LRP1B: variants seen among roughly 807,000 people sequenced by gnomAD.
LRP1B encodes low-density lipoprotein receptor-related protein 1B.
In LRP1B, 217 loss-of-function variants were observed where a neutral mutation model predicts 556.6. The ratio of observed to expected loss-of-function variants is 0.39; its 90% CI spans 0.35 to 0.44. LRP1B has a LOEUF of 0.44. LRP1B is among the 20% of genes least tolerant of loss of function. The pLI, the probability that LRP1B is intolerant of heterozygous loss-of-function variation, is 1.00. For synonymous variants in LRP1B, 2,047 were observed against 1,865.8 expected (o/e 1.10, Z -2.50); for missense variants, 5,053 against 5,620.8 (o/e 0.90, Z 3.23).
chr2:141,472,048 G>T (rs892770699), intron 3 of LRP1B, among the ~76,000 whole-genome samples: 24 of 152,138 alleles, frequency 1.6e-4, no homozygotes, highest in African/African-American at 5.6e-4. Context: ...GAGTTTTCTG[G>T]CTTTTTGTGA....
chr2:141,322,504 A>C (rs1285231304), intron 3 of LRP1B, among the ~76,000 whole-genome samples: 1 of 152,034 alleles, frequency 6.6e-6, no homozygotes, highest in Non-Finnish European at 1.5e-5. Flanking sequence ...ATAGGATTAC[A>C]TTCCCTTTTT....
At chr2:140,419,485 C>A (rs1685342764) in intron 66 of LRP1B, among the ~76,000 whole-genome samples, 1 of 152,104 alleles carries the variant, frequency 6.6e-6, no homozygotes, top group African/African-American at 2.4e-5. Context: ...ACAGTCCACC[C>A]AAGAACATCA....
intron 1 of LRP1B, among the ~76,000 whole-genome samples, chr2:141,939,592 C>A (rs1700735968): frequency 6.6e-6 from 1 of 151,834 alleles, no homozygotes; most frequent in African/African-American, 2.4e-5. Context: ...ATACTAAAAC[C>A]AAAGTTAATA....
rs1690246959 is a variant in LRP1B at position 140,522,918 on chromosome 2, G to GC, written c.8026+2925dup. Among the ~76,000 whole-genome samples, 13 of 151,970 alleles carry GC rather than the reference G, an allele frequency of 8.6e-5. No homozygotes were observed. In the South Asian group the frequency reaches 2.7e-3, roughly 32 times the overall value. ...AATAAAAAATATACAAATAAAAAAA[G>GC]CCCTGGAACAGATATATTCACAGCC... On this transcript the variant is annotated intron_variant, in intron 49 of 90. Coordinates refer to ENST00000389484, the MANE Select transcript of LRP1B (RefSeq NM_018557.3).
chr2:141,218,409 A>T (rs945931855), intron 6 of LRP1B, among the ~76,000 whole-genome samples: 5 of 152,186 alleles, frequency 3.3e-5, no homozygotes, highest in Non-Finnish European at 5.9e-5. Flanking sequence ...TGTGGATTGG[A>T]TAAAGAAAAT....
chr2:141,704,161 G>T (rs557590187), intron 2 of LRP1B, among the ~76,000 whole-genome samples: 1 of 152,082 alleles, frequency 6.6e-6, no homozygotes, highest in South Asian at 2.1e-4. Context: ...CTTGGTGAAT[G>T]ACTTCTTTGC....
At chr2:141,571,658 C>G (rs763313046) in intron 2 of LRP1B, among the ~76,000 whole-genome samples, 51 of 151,066 alleles carry the variant, frequency 3.4e-4, no homozygotes, top group Non-Finnish European at 6.3e-4. Flanking sequence ...TGTTCTAACC[C>G]AATGCAAAGA....
intron 83 of LRP1B, among the ~76,000 whole-genome samples, chr2:140,306,105 T>C (rs1179926119): frequency 1.5e-5 from 2 of 131,262 alleles, no homozygotes; most frequent in Non-Finnish European, 3.6e-5. Context: ...TATATTGGTC[T>C]AACATTCTCT....
intron 21 of LRP1B, among the ~76,000 whole-genome samples, chr2:140,919,945 T>C (rs1412771238): frequency 2.0e-5 from 3 of 152,092 alleles, no homozygotes; most frequent in African/African-American, 7.2e-5. Context: ...TTTTTTACTA[T>C]TAAAAATAAA....
intron 60 of LRP1B, among the ~76,000 whole-genome samples, chr2:140,469,493 A>C (rs545219071): frequency 2.0e-5 from 3 of 152,352 alleles, no homozygotes; most frequent in Admixed American, 2.0e-4. Flanking sequence ...ATACATTTTA[A>C]AGTAACATCA....
At chr2:141,429,067 G>T (rs978482234) in intron 3 of LRP1B, among the ~76,000 whole-genome samples, 1 of 152,116 alleles carries the variant, frequency 6.6e-6, no homozygotes, top group African/African-American at 2.4e-5. Flanking sequence ...CCATACAGAA[G>T]AAAAATTACT....
At chr2:141,987,450 A>G (rs1407456832) in intron 1 of LRP1B, among the ~76,000 whole-genome samples, 2 of 151,624 alleles carry the variant, frequency 1.3e-5, no homozygotes, top group Non-Finnish European at 2.9e-5. Flanking sequence ...TTCCCACTGC[A>G]TTATCTCTGA....
intron 3 of LRP1B, among the ~76,000 whole-genome samples, chr2:141,423,750 A>G (rs964418978): frequency 3.3e-5 from 5 of 152,132 alleles, no homozygotes; most frequent in African/African-American, 1.2e-4. Flanking sequence ...ATGCTTTAAA[A>G]CAAACATTAA....
intron 3 of LRP1B, among the ~76,000 whole-genome samples, chr2:141,258,401 G>A (rs112245247): frequency 0.022 from 3,403 of 152,144 alleles, 69 homozygotes; most frequent in Non-Finnish European, 0.036. Flanking sequence ...CAGGAGAATC[G>A]CTTGAACCCA....
At chr2:141,766,642 C>T (rs144611574) in intron 2 of LRP1B, among the ~76,000 whole-genome samples, 2 of 152,286 alleles carry the variant, frequency 1.3e-5, no homozygotes, top group Middle Eastern at 3.4e-3. Flanking sequence ...AAAACTAATG[C>T]ACAATAGGAT....
intron 7 of LRP1B, among the ~76,000 whole-genome samples, chr2:141,176,035 T>C (rs1680719622): frequency 6.6e-6 from 1 of 152,146 alleles, no homozygotes. Flanking sequence ...ATTTCTCTCT[T>C]TTGGAGTGGT....
chr2:140,778,130 G>T (rs140406156), intron 32 of LRP1B, among the ~76,000 whole-genome samples: 4 of 152,274 alleles, frequency 2.6e-5, no homozygotes, highest in Middle Eastern at 3.4e-3. Context: ...AAAATGAAAA[G>T]TGCATAAGGT....
chr2:141,547,945 G>A (rs1364676453), intron 2 of LRP1B, among the ~76,000 whole-genome samples: 2 of 152,074 alleles, frequency 1.3e-5, no homozygotes. Context: ...ACAAAGAGGG[G>A]AGGACGACCT....
chr2:141,231,744 A>G (rs1203633649), intron 5 of LRP1B, among the ~76,000 whole-genome samples: 7 of 152,082 alleles, frequency 4.6e-5, no homozygotes, highest in Admixed American at 4.6e-4. Flanking sequence ...TGTATCTGCC[A>G]TAAACCTCTC....
Sources: gnomAD v4.1 joint callset for allele counts (sites outside exome capture counted in the v4.1 genomes callset) on GRCh38, gnomAD v4.1.1 for gene constraint, MANE v1.5 for transcripts, NCBI Gene and HGNC (gene_info 2026-07-23, HGNC 2026-07-21) for gene names.